POU2F1: variants seen among roughly 807,000 people sequenced by gnomAD.
POU2F1 encodes the protein POU class 2 homeobox 1, also known as POU domain, class 2, transcription factor 1.
A neutral mutation model predicts 84.9 loss-of-function variants in POU2F1; 16 were observed. The ratio of observed to expected loss-of-function variants is 0.19; its 90% CI spans 0.13 to 0.29. The LOEUF (loss-of-function observed/expected upper bound fraction) is 0.29. POU2F1 is among the 10% of genes least tolerant of loss of function. The probability of loss-of-function intolerance (pLI) is 1.00; values close to 1 mark genes in which losing one functional copy is unlikely to be tolerated. For synonymous variants in POU2F1, 368 were observed against 368.3 expected (o/e 1.00, Z 0.01); for missense variants, 738 against 942.6 (o/e 0.78, Z 2.84).
intron 11 of POU2F1, among the ~76,000 whole-genome samples, chr1:167,398,969 G>T (rs1649005953): frequency 6.6e-6 from 1 of 152,088 alleles, no homozygotes; most frequent in Non-Finnish European, 1.5e-5. Flanking sequence ...AAAAACTATA[G>T]ATATTTAAGG....
At chr1:167,249,496 G>T (rs1042502695) in intron 1 of POU2F1, among the ~76,000 whole-genome samples, 1 of 152,186 alleles carries the variant, frequency 6.6e-6, no homozygotes, top group African/African-American at 2.4e-5. Flanking sequence ...CAGGATTGGG[G>T]TCTTTGTTAG....
chr1:167,324,587 G>T (rs1656562656), intron 1 of POU2F1, among the ~76,000 whole-genome samples: 1 of 152,090 alleles, frequency 6.6e-6, no homozygotes, highest in African/African-American at 2.4e-5. Context: ...AGTCTCATGG[G>T]ATAAGAATTT....
chr1:167,237,435 C>G (rs1322031961), intron 1 of POU2F1, among the ~76,000 whole-genome samples: 1 of 152,022 alleles, frequency 6.6e-6, no homozygotes, highest in Non-Finnish European at 1.5e-5. Flanking sequence ...GTTGTTTTTC[C>G]GGTACCCTTT....
chr1:167,224,929 A>G (rs1010034619), intron 1 of POU2F1, among the ~76,000 whole-genome samples: 2 of 147,202 alleles, frequency 1.4e-5, no homozygotes, highest in African/African-American at 2.5e-5. Context: ...CGTGGGTTCC[A>G]GTGATTCTCC....
rs183991205 is a variant in POU2F1, at chr1:167,400,906, T to A, written c.1450-545T>A. 2.9e-3 allele frequency among the ~76,000 whole-genome samples: 439 copies of A among 152,346 alleles called. 2 individuals are homozygous for A. Among genetic ancestry groups the A allele is most frequent in the African/African-American group, 0.01 (426 of 41,572 alleles). On this transcript the variant is annotated intron_variant, in intron 12 of 15. Coordinates refer to ENST00000367866, the MANE Select transcript of POU2F1 (RefSeq NM_002697.4). Reference sequence around the variant, plus strand: ...TAGTCATAAAGTTATGAGATAGTTATGAAAAAGATAATTATTAATCAACAA... The same window carrying A: ...TAGTCATAAAGTTATGAGATAGTTAAGAAAAAGATAATTATTAATCAACAA...
At chr1:167,302,673 T>C (rs1024902497) in intron 1 of POU2F1, among the ~76,000 whole-genome samples, 3 of 152,254 alleles carry the variant, frequency 2.0e-5, no homozygotes, top group African/African-American at 7.2e-5. Flanking sequence ...AAAAAAGTTA[T>C]GTGGGCCAGT....
At chr1:167,405,931 C>T (rs550191187) in intron 13 of POU2F1, among the ~76,000 whole-genome samples, 70 of 152,050 alleles carry the variant, frequency 4.6e-4, no homozygotes, top group Non-Finnish European at 9.3e-4. Context: ...TAGAAATTAA[C>T]AATAGAAAGA....
chr1:167,275,233 C>T (rs1652645841), intron 1 of POU2F1, among the ~76,000 whole-genome samples: 1 of 151,840 alleles, frequency 6.6e-6, no homozygotes, highest in Admixed American at 6.6e-5. Context: ...CAGTATGTTG[C>T]CCAGAGTGAT....
rs996729924 is a variant in POU2F1 at position 167,413,538 on chromosome 1, AT to A, written c.1990+425del. Among the ~76,000 whole-genome samples, 165 of 152,318 alleles carry A rather than the reference AT, an allele frequency of 1.1e-3. 1 individual carries two copies. The highest frequency in any genetic ancestry group is 1.9e-3 in the Non-Finnish European group (132 of 68,026). Reference sequence around the variant, plus strand: ...AGCTGCACTCCTGAGAAAGCTGTGCATGGGAAAGTCCTGTAATGAACAAACA... The same window carrying A: ...AGCTGCACTCCTGAGAAAGCTGTGCAGGGAAAGTCCTGTAATGAACAAACA... On this transcript the variant is annotated intron_variant, in intron 15 of 15. Transcript: ENST00000367866.
At chr1:167,319,288 C>T (rs776821584) in intron 1 of POU2F1, among the ~76,000 whole-genome samples, 1 of 152,118 alleles carries the variant, frequency 6.6e-6, no homozygotes, top group Non-Finnish European at 1.5e-5. Context: ...TACCTGTTTC[C>T]CAACTTTTTG....
intron 1 of POU2F1, among the ~76,000 whole-genome samples, chr1:167,246,102 GATA>G (rs1380529513): frequency 9.2e-5 from 14 of 152,292 alleles, no homozygotes; most frequent in Middle Eastern, 3.4e-3. Context: ...TAGAAGTAAT[GATA>G]ATAATGATAG....
chr1:167,305,167 G>T lies in POU2F1; in HGVS notation c.62-27303G>T, dbSNP rs575820512. Among the ~76,000 whole-genome samples, 9 of 151,972 alleles carry T rather than the reference G, an allele frequency of 5.9e-5. No homozygotes were observed. In the South Asian group the frequency reaches 1.7e-3, roughly 28 times the overall value. On this transcript the variant is annotated intron_variant, in intron 1 of 15. Transcript: ENST00000367866. ...CCACCACCTGGCTGGCCAAAAGAGG[G>T]TGGGGACACAGAGAATGTAGGCAAT...
chr1:167,417,689 A>T lies in POU2F1; in HGVS notation c.*1879A>T, dbSNP rs547823567. ...ACTTTTTCTCCCTTTCGAGCTGGGG[A>T]TGTAGAGAGAACTTACAGGTGATTT... On this transcript the variant is annotated 3_prime_UTR_variant, in exon 16 of 16. Coordinates refer to ENST00000367866, the MANE Select transcript of POU2F1 (RefSeq NM_002697.4). 1 of 152,218 alleles carries T rather than the reference A, an allele frequency of 6.6e-6. No homozygotes were observed. The highest frequency in any genetic ancestry group is 1.5e-5 in the Non-Finnish European group (1 of 68,012). 9.4% of individuals were successfully genotyped at this position (152,218 alleles called of 1,614,324 possible). A position where few individuals can be genotyped will look rare whatever the true frequency, so the allele number is the denominator to read the frequency against.
intron 12 of POU2F1, among the ~76,000 whole-genome samples, chr1:167,400,160 T>C (rs1649108114): frequency 6.6e-6 from 1 of 151,022 alleles, no homozygotes; most frequent in Admixed American, 6.6e-5. Flanking sequence ...AATTTTTTTG[T>C]ATTTTTAGTT....
rs377001050 is a variant in POU2F1 at position 167,314,628 on chromosome 1, G to A, written c.62-17842G>A. 1.7e-4 allele frequency among the ~76,000 whole-genome samples: 26 copies of A among 152,162 alleles called. No homozygotes were observed. In the East Asian group the frequency reaches 3.9e-3, roughly 23 times the overall value. ...CCTGTCTCTACAAAAATAAAAATAAGCCGGGCATTGTGGTGTGCACCTGTG... is the reference window on the plus strand; with the variant it reads ...CCTGTCTCTACAAAAATAAAAATAAACCGGGCATTGTGGTGTGCACCTGTG... On this transcript the variant is annotated intron_variant, in intron 1 of 15. Transcript: ENST00000367866.
chr1:167,246,854 A>G (rs1650356253), intron 1 of POU2F1, among the ~76,000 whole-genome samples: 1 of 152,218 alleles, frequency 6.6e-6, no homozygotes, highest in South Asian at 2.1e-4. Context: ...TACTTTATGG[A>G]AGGAGTAATA....
At chr1:167,290,832 A>G (rs894512621) in intron 1 of POU2F1, among the ~76,000 whole-genome samples, 1 of 152,180 alleles carries the variant, frequency 6.6e-6, no homozygotes, top group Non-Finnish European at 1.5e-5. Context: ...CTTGAGGCCA[A>G]GAGTTCAAAA....
chr1:167,260,667 A>G (rs1206647925), intron 1 of POU2F1, among the ~76,000 whole-genome samples: 1 of 152,162 alleles, frequency 6.6e-6, no homozygotes, highest in Non-Finnish European at 1.5e-5. Context: ...TTCCACATAT[A>G]CACATGTTCT....
At chr1:167,397,956 C>T (rs7524019) in intron 10 of POU2F1, 38 bp from the exon 11 acceptor site, 765,579 of 1,577,874 alleles carry the variant, frequency 0.49, 194,702 homozygotes, top group East Asian at 0.7. Context: ...TCACTGTGCT[C>T]AGCTAATTTT....
Sources: gnomAD v4.1 joint callset for allele counts (sites outside exome capture counted in the v4.1 genomes callset) on GRCh38, gnomAD v4.1.1 for gene constraint, MANE v1.5 for transcripts, NCBI Gene and HGNC (gene_info 2026-07-23, HGNC 2026-07-21) for gene names.